CSGALNACT1: variants seen among roughly 807,000 people sequenced by gnomAD.
CSGALNACT1 encodes chondroitin sulfate N-acetylgalactosaminyltransferase 1, also known as beta4GalNAcT-1.
A neutral mutation model predicts 51.0 loss-of-function variants in CSGALNACT1; 52 were observed. The observed-to-expected ratio is 1.02, with a 90% CI of 0.82 to 1.29. The LOEUF is 1.29. Among genes scored for constraint, CSGALNACT1 ranks in the 50% most tolerant of loss-of-function variants. The pLI is 0.00. For missense variants in CSGALNACT1, 935 were observed against 679.2 expected, an observed-to-expected ratio of 1.38 and a Z score of -4.19; for synonymous variants, 341 against 254.4, an observed-to-expected ratio of 1.34 and a Z score of -3.24.
At chr8:19,600,293 G>T (rs913633568) in intron 2 of CSGALNACT1, among the ~76,000 whole-genome samples, 6 of 152,126 alleles carry the variant, frequency 3.9e-5, no homozygotes, top group African/African-American at 1.4e-4. Context: ...TATTGGCCAG[G>T]CTGGTCTCGA....
rs79144971 is a variant in CSGALNACT1, at chr8:19,479,486, T to C, written c.635-20844A>G. On this transcript the variant is annotated intron_variant, in intron 4 of 9. Coordinates refer to ENST00000454498, the Ensembl canonical transcript of CSGALNACT1. ...GTTATTCTTTTTCTTTCATTATTAT[T>C]ATCAAACCTGGATACTATTTAATGG... 1.1e-4 allele frequency among the ~76,000 whole-genome samples: 17 copies of C among 152,354 alleles called. No individual in the cohort carries two copies. The East Asian group carries it at 2.5e-3, about 22-fold the overall frequency.
chr8:19,452,762 C>T (rs2063419601), intron 5 of CSGALNACT1, among the ~76,000 whole-genome samples: 1 of 152,044 alleles, frequency 6.6e-6, no homozygotes, highest in Non-Finnish European at 1.5e-5. Context: ...ACCTCTACCC[C>T]TTGGGAAAAC....
exon 7 of CSGALNACT1, chr8:19,420,430 T>C: frequency 1.2e-6 from 2 of 1,614,186 alleles, no homozygotes; most frequent in South Asian, 1.1e-5. Context: ...TTGCTTCCCT[T>C]CCAGAAGCGG....
rs113052494 is a variant in CSGALNACT1 at position 19,556,019 on chromosome 8, G to T, written c.-297+35141C>A. On this transcript the variant is annotated intron_variant, in intron 3 of 9. Coordinates refer to ENST00000454498, the Ensembl canonical transcript of CSGALNACT1. ...TGTGTTTTTTTACCCTCGAAGATAA[G>T]AACGATAACACTGAAAGTTGTGATG... 3.4e-3 allele frequency among the ~76,000 whole-genome samples: 517 copies of T among 152,222 alleles called. 3 individuals carry two copies. Among genetic ancestry groups the T allele is most frequent in the African/African-American group, 0.012 (499 of 41,542 alleles).
At position 19,540,119 on chromosome 8, in the gene CSGALNACT1, T is replaced by C. The variant is rs185679373; in HGVS notation, c.-296-33989A>G. Among the ~76,000 whole-genome samples the C allele has an allele frequency of 5.3e-5, 8 of 152,244 alleles. No individual in the cohort carries two copies. In the East Asian group the frequency reaches 1.5e-3, roughly 29 times the overall value. On this transcript the variant is annotated intron_variant, in intron 3 of 9. Transcript: ENST00000454498. ...CAGTTGTCCCTAATCCTGAAAAAAA[T>C]GGCTATTCCCATGGCATGTGTTTTA...
rs935060768 is a variant in CSGALNACT1 at position 19,506,145 on chromosome 8, A to G, written c.-296-15T>C. On this transcript the variant is annotated splice_polypyrimidine_tract_variant and intron_variant, in intron 3 of 9. Coordinates refer to ENST00000454498, the Ensembl canonical transcript of CSGALNACT1. ...CAAGAGGGGACCTGGGAAGAAACAC[A>G]AATGACATCAACACTTAATCAAGAC... is the stretch of plus-strand genomic sequence containing the variant. The G allele has an allele frequency of 5.2e-6, 3 of 582,024 alleles. No individual in the cohort carries two copies. The African/African-American group carries it at 5.5e-5, about 11-fold the overall frequency. 36.1% of individuals were successfully genotyped at this position (582,024 alleles called of 1,614,324 possible).
chr8:19,549,299 T>C (rs574632177), intron 3 of CSGALNACT1, among the ~76,000 whole-genome samples: 2 of 152,310 alleles, frequency 1.3e-5, no homozygotes, highest in East Asian at 3.9e-4. Flanking sequence ...GTCTTAAATA[T>C]TGTTCCTAAC....
At chr8:19,688,619 C>T (rs1451472724) in intron 1 of CSGALNACT1, 3 of 152,182 alleles carry the variant, frequency 2.0e-5, no homozygotes, top group Non-Finnish European at 4.4e-5. Context: ...TCCCTTCACC[C>T]TATTCTCTCA....
chr8:19,712,738 T>A (rs553589569), intron 1 of CSGALNACT1, among the ~76,000 whole-genome samples: 25 of 152,164 alleles, frequency 1.6e-4, no homozygotes, highest in Non-Finnish European at 2.6e-4. Context: ...AATGCATGGA[T>A]GGACAGCACC....
intron 1 of CSGALNACT1, among the ~76,000 whole-genome samples, chr8:19,671,133 G>A (rs1045687748): frequency 1.3e-5 from 2 of 152,186 alleles, no homozygotes; most frequent in African/African-American, 4.8e-5. Context: ...TCAACTGACT[G>A]GCCTGAAGGG....
At chr8:19,428,817 G>A (rs1044540768) in intron 6 of CSGALNACT1, among the ~76,000 whole-genome samples, 2 of 144,006 alleles carry the variant, frequency 1.4e-5, no homozygotes, top group African/African-American at 5.2e-5. Flanking sequence ...TCTCACATAA[G>A]ACATGATATG....
chr8:19,599,273 T>A (rs2049703594), intron 2 of CSGALNACT1, among the ~76,000 whole-genome samples: 1 of 151,706 alleles, frequency 6.6e-6, no homozygotes. Flanking sequence ...GTGGTTCCAT[T>A]TCGTGGTAGG....
intron 1 of CSGALNACT1, among the ~76,000 whole-genome samples, chr8:19,639,023 T>G (rs1564322848): frequency 6.6e-6 from 1 of 152,168 alleles, no homozygotes; most frequent in Non-Finnish European, 1.5e-5. Flanking sequence ...AAGAGGTATA[T>G]CATGATCACC....
chr8:19,754,974 C>G (rs1455993538), intron 1 of CSGALNACT1, among the ~76,000 whole-genome samples: 1 of 152,162 alleles, frequency 6.6e-6, no homozygotes, highest in Non-Finnish European at 1.5e-5. Context: ...CATTTAGAAT[C>G]TCAAGGTCCT....
At chr8:19,739,605 G>T (rs989771965) in intron 1 of CSGALNACT1, among the ~76,000 whole-genome samples, 1 of 152,186 alleles carries the variant, frequency 6.6e-6, no homozygotes, top group African/African-American at 2.4e-5. Context: ...AAAAATGTTA[G>T]GTGGGGCATC....
intron 1 of CSGALNACT1, among the ~76,000 whole-genome samples, chr8:19,655,419 G>A (rs1279982522): frequency 3.3e-5 from 5 of 152,024 alleles, no homozygotes; most frequent in African/African-American, 1.2e-4. Flanking sequence ...GGAGTGCAGT[G>A]GCACTATCAT....
chr8:19,652,555 C>A (rs1490950977), intron 1 of CSGALNACT1, among the ~76,000 whole-genome samples: 2 of 152,048 alleles, frequency 1.3e-5, no homozygotes, highest in Non-Finnish European at 2.9e-5. Context: ...TATTGTCAGC[C>A]TTCCTTCTGT....
chr8:19,628,453 T>C (rs1195542734), intron 1 of CSGALNACT1, among the ~76,000 whole-genome samples: 1 of 152,152 alleles, frequency 6.6e-6, no homozygotes, highest in Non-Finnish European at 1.5e-5. Flanking sequence ...CCTTGATACA[T>C]GGGGATTACA....
At chr8:19,720,910 G>A (rs74516422) in intron 1 of CSGALNACT1, among the ~76,000 whole-genome samples, 18,150 of 152,214 alleles carry the variant, frequency 0.12, 1,197 homozygotes, top group Non-Finnish European at 0.15. Flanking sequence ...GAAGTGGTAA[G>A]GACGGCCCTG....
Sources: gnomAD v4.1 joint callset for allele counts (sites outside exome capture counted in the v4.1 genomes callset) on GRCh38, gnomAD v4.1.1 for gene constraint, MANE v1.5 for transcripts, NCBI Gene and HGNC (gene_info 2026-07-23, HGNC 2026-07-21) for gene names.